The following CC2D1A variants were observed in gnomAD, a reference collection of about 807,000 sequenced individuals.
The protein encoded by CC2D1A is coiled-coil and C2 domain-containing protein 1A.
Under a neutral mutation model 123.8 loss-of-function variants are expected in CC2D1A, and 68 were observed. That is an observed-to-expected ratio of 0.55 (90% CI 0.45 to 0.67). CC2D1A has a LOEUF of 0.67. CC2D1A is among the 30% of genes least tolerant of loss of function. CC2D1A has a pLI of 0.00. For missense variants in CC2D1A, 1,185 were observed against 1,290.3 expected (o/e 0.92, Z 1.25); for synonymous variants, 477 against 528.0 (o/e 0.90, Z 1.32).
intron 7 of CC2D1A, 88 bp downstream of exon 7, chr19:13,918,282 T>C (rs1445367147): frequency 7.8e-6 from 11 of 1,412,188 alleles, no homozygotes; most frequent in Admixed American, 2.7e-5. Context: ...ATTTGCATCC[T>C]AGCTTGGTCA....
chr19:13,930,211 G>A lies in CC2D1A; in HGVS notation c.2788-31G>A. ...GCAGCGGGCAGGGTGGGGCCTGCAG[G>A]GACTACCTGCTGAATGCCCATCCCC... On this transcript the variant is annotated intron_variant, in intron 27 of 28. Coordinates refer to ENST00000318003, the MANE Select transcript of CC2D1A (RefSeq NM_017721.5). The surrounding 1 kb of genome is among the most constrained non-coding windows in gnomAD (Gnocchi z 6.8). 1 of 1,613,828 alleles carries A rather than the reference G, an allele frequency of 6.2e-7. No individual in the cohort carries two copies. The highest frequency in any genetic ancestry group is 8.5e-7 in the Non-Finnish European group (1 of 1,179,860).
intron 1 of CC2D1A, among the ~76,000 whole-genome samples, chr19:13,908,263 G>T (rs1376825930): frequency 4.6e-5 from 7 of 152,124 alleles, no homozygotes; most frequent in Non-Finnish European, 1.5e-5. Flanking sequence ...GCCTGCCTCG[G>T]CCTCCCAAAG....
At chr19:13,920,471 G>C in intron 12 of CC2D1A, 86 bp from the exon 13 acceptor site, 1 of 835,254 alleles carries the variant, frequency 1.2e-6, no homozygotes, top group Non-Finnish European at 2.0e-6. Flanking sequence ...AATGACCACT[G>C]TTGTCACCAT....
Position 13,918,927 on chromosome 19 carries a change from C to G in CC2D1A, c.1034C>G (p.Pro345Arg). 6.2e-7 allele frequency: 1 copy of G among 1,610,568 alleles called. No homozygotes were observed. The highest frequency in any genetic ancestry group is 8.5e-7 in the Non-Finnish European group (1 of 1,178,064). ...TCCGGCCCAGAGGTGCCCCCACCCC[C>G]GAGGACCCTGCTGGAGGCGCTGGAG... ...APSTTEVPPPPRTLLEALEQR... is the reference protein window; with the variant it reads ...APSTTEVPPPRRTLLEALEQR... The change falls in exon 10 of 29, where the codon CCG (proline) becomes CGG (arginine). Residue 345 changes from proline to arginine, a missense_variant. Physicochemically the swap from Pro to Arg is moderately radical, Grantham distance 103. Transcript: ENST00000318003.
In CC2D1A at chr19:13,926,681, G is replaced by A. The variant is rs375912206; in HGVS notation, c.2029G>A (p.Asp677Asn). Reference sequence around the variant, plus strand: ...TTTGCCCACAGGACTGTCCCCTGGCGATCTGGATGTCTTTGTTCGGTTTGA... The same window carrying A: ...TTTGCCCACAGGACTGTCCCCTGGCAATCTGGATGTCTTTGTTCGGTTTGA... ...LPTPPGLSPG[D>N]LDVFVRFDFP... Residue 677 changes from aspartate to asparagine, a missense_variant, in exon 19 of 29, where the codon GAT becomes AAT. Transcript: ENST00000318003. 441 of 1,614,046 alleles carry A rather than the reference G, an allele frequency of 2.7e-4. 1 individual carries two copies. The highest frequency in any genetic ancestry group is 3.5e-4 in the Non-Finnish European group (413 of 1,180,038).
Position 13,913,243 on chromosome 19 carries a change from G to A in CC2D1A, c.454G>A (p.Glu152Lys), listed in dbSNP as rs1971067809. The A allele has an allele frequency of 6.2e-7, 1 of 1,613,744 alleles. No homozygotes were observed. Among genetic ancestry groups the A allele is most frequent in the Non-Finnish European group, 8.5e-7 (1 of 1,179,924 alleles). ...GCTGGCGCTCTATCAGACAGCAATT[G>A]AAAGCGCCAGACAAGCTGGAGACAG... ...ERLALYQTAI[E>K]SARQAGDSAK... The change falls in exon 5 of 29, where the codon GAA (glutamate) becomes AAA (lysine). Residue 152 changes from glutamate to lysine, a missense_variant. Coordinates refer to ENST00000318003, the MANE Select transcript of CC2D1A (RefSeq NM_017721.5).
chr19:13,923,716 CTG>C lies in CC2D1A; in HGVS notation c.1847_1848del (p.Cys616Ter), dbSNP rs1473592421. The C allele has an allele frequency of 1.9e-6, 3 of 1,614,098 alleles. No individual in the cohort carries two copies. The African/African-American group carries it at 4.0e-5, about 22-fold the overall frequency. On this transcript the variant is annotated frameshift_variant, in exon 17 of 29. Transcript: ENST00000318003. LOFTEE classifies it high-confidence loss of function. This position sits in a 1 kb window ranked among gnomAD's most constrained non-coding sequence, Gnocchi z 5.3. ...TTKFEKLAED[C>X]KRSMDILKQA... ...GCAGGTTTGAAAAGTTGGCGGAGGA[CTG>C]TAAGCGGAGCATGGACATTCTGAAG...
intron 4 of CC2D1A, 111 bp downstream of exon 4, chr19:13,912,704 G>A (rs1971046710): frequency 3.8e-6 from 4 of 1,061,792 alleles, no homozygotes; most frequent in Non-Finnish European, 5.6e-6. Flanking sequence ...CCAGGCTGGA[G>A]TGCAGTGGTG....
At chr19:13,925,918 T>TAAAAAA (rs34627490) in intron 17 of CC2D1A, among the ~76,000 whole-genome samples, 4 of 55,284 alleles carry the variant, frequency 7.2e-5, no homozygotes, top group African/African-American at 2.3e-4. Context: ...AGACTCTGTC[T>TAAAAAA]AAAAAAAAAA....
At position 13,913,945 on chromosome 19, in the gene CC2D1A, G is replaced by A. The variant is rs147929169; in HGVS notation, c.748+307G>A. Among the ~76,000 whole-genome samples, 136 of 152,156 alleles carry A rather than the reference G, an allele frequency of 8.9e-4. 3 individuals are homozygous for A. In the East Asian group the frequency reaches 0.023, roughly 26 times the overall value. On this transcript the variant is annotated intron_variant, in intron 6 of 28. Coordinates refer to ENST00000318003, the MANE Select transcript of CC2D1A (RefSeq NM_017721.5). ...TGCCCAGGCTGGAGCGCAGTGGCAC[G>A]ATCTCAGCTCATTACAACCTCCACC...
At chr19:13,927,541 G>A in intron 22 of CC2D1A, 1 of 481,158 alleles carries the variant, frequency 2.1e-6, no homozygotes, top group South Asian at 2.3e-5. Flanking sequence ...CACTTTGGGA[G>A]GCTGAGGCGG....
intron 4 of CC2D1A, 62 bp downstream of exon 4, chr19:13,912,655 A>T: frequency 6.5e-7 from 1 of 1,547,490 alleles, no homozygotes. Flanking sequence ...GGGGTTCAAG[A>T]CCTAGCCTTT....
At chr19:13,929,137 G>T (rs1971762299) in intron 24 of CC2D1A, among the ~76,000 whole-genome samples, 1 of 151,464 alleles carries the variant, frequency 6.6e-6, no homozygotes, top group Non-Finnish European at 1.5e-5. Context: ...CCAAGTAGCT[G>T]GGACTACAGG....
intron 6 of CC2D1A, among the ~76,000 whole-genome samples, chr19:13,914,306 G>A (rs1388196293): frequency 6.6e-6 from 1 of 151,130 alleles, no homozygotes; most frequent in African/African-American, 2.4e-5. Context: ...CAGTAGCTGG[G>A]ACTACAGGCA....
rs1190562892 is a variant in CC2D1A at position 13,906,466 on chromosome 19, G to A, written c.25G>A (p.Gly9Arg). Residue 9 changes from glycine (G) to arginine (R), a missense_variant, in exon 1 of 29, where the codon GGA becomes AGA. Transcript: ENST00000318003. The surrounding 1 kb of genome is among the most constrained non-coding windows in gnomAD (Gnocchi z 4.1). ...GATGCACAAGAGGAAAGGACCCCCG[G>A]GACCCCCGGGCAGAGGCGCCGCGGC... is the stretch of plus-strand genomic sequence containing the variant. MHKRKGPP[G>R]PPGRGAAAAR... 3.3e-6 allele frequency: 5 copies of A among 1,516,574 alleles called. No individual in the cohort carries two copies. The African/African-American group carries it at 5.7e-5, about 17-fold the overall frequency. 93.9% of individuals were successfully genotyped at this position (1,516,574 alleles called of 1,614,324 possible). A position where few individuals can be genotyped will look rare whatever the true frequency, so the allele number is the denominator to read the frequency against.
chr19:13,926,050 A>ATATATATGTGTATATATATATATATACG lies in CC2D1A; in HGVS notation c.1941-458_1941-457insGTATATATATATATATACGTATATATGT, dbSNP rs1568419070. On this transcript the variant is annotated intron_variant, in intron 17 of 28. Transcript: ENST00000318003. Reference sequence around the variant, plus strand: ...TGTGTATATATATATATATACACGTATATATATGTATATATACACACACAC... The same window carrying ATATATATGTGTATATATATATATATACG: ...TGTGTATATATATATATATACACGTATATATATGTGTATATATATATATATACGTATATATGTATATATACACACACAC... Among the ~76,000 whole-genome samples, 8 of 124,786 alleles carry ATATATATGTGTATATATATATATATACG rather than the reference A, an allele frequency of 6.4e-5. No homozygotes were observed. In the East Asian group the frequency reaches 1.6e-3, roughly 25 times the overall value. 81.9% of individuals were successfully genotyped at this position (124,786 alleles called of 152,430 possible).
intron 2 of CC2D1A, among the ~76,000 whole-genome samples, chr19:13,910,164 C>T (rs896597723): frequency 1.3e-5 from 2 of 150,376 alleles, no homozygotes; most frequent in East Asian, 2.0e-4. Context: ...TTTGGGAGGC[C>T]GAGGCAGGCA....
rs138165302 is a variant in CC2D1A, at chr19:13,914,936, G to T, written c.748+1298G>T. The stretch of plus-strand genomic sequence containing the variant: ...CCTCTCTTTGTGATATGAACACGGG[G>T]CTTTGCCCCAGGTCCAAACACTTCC... On this transcript the variant is annotated intron_variant, in intron 6 of 28. Transcript: ENST00000318003. Among the ~76,000 whole-genome samples the T allele has an allele frequency of 2.7e-3, 405 of 152,372 alleles. 1 individual carries two copies. Among genetic ancestry groups the T allele is most frequent in the African/African-American group, 9.4e-3 (392 of 41,598 alleles).
chr19:13,929,464 C>T, intron 25 of CC2D1A, 22 bp downstream of exon 25: 1 of 1,612,954 alleles, frequency 6.2e-7, no homozygotes, highest in East Asian at 2.2e-5. Context: ...TCCTGCCGGG[C>T]TACATGGGGC....
Sources: allele counts gnomAD v4.1 joint callset (sites outside exome capture counted in the v4.1 genomes callset), GRCh38; gene constraint gnomAD v4.1.1; non-coding constraint Gnocchi (gnomAD v3.1); transcripts MANE v1.5; gene names NCBI Gene and HGNC (gene_info 2026-07-23, HGNC 2026-07-21).